MITF: variants seen among roughly 807,000 people sequenced by gnomAD.
MITF encodes the protein melanocyte inducing transcription factor.
A neutral mutation model predicts 60.5 loss-of-function variants in MITF; 17 were observed. The ratio of observed to expected loss-of-function variants is 0.28; its 90% confidence interval spans 0.19 to 0.42. The LOEUF (loss-of-function observed/expected upper bound fraction) is 0.42. Among genes scored for constraint, MITF ranks in the 10% least tolerant of loss-of-function variants. MITF has a pLI of 1.00. For synonymous variants in MITF, 260 were observed against 248.5 expected, an observed-to-expected ratio of 1.05 and a Z score of -0.43; for missense variants, 622 against 683.5, an observed-to-expected ratio of 0.91 and a Z score of 1.00.
intron 2 of MITF, among the ~76,000 whole-genome samples, chr3:69,930,842 T>C (rs928534496): frequency 1.3e-5 from 2 of 152,220 alleles, no homozygotes; most frequent in Non-Finnish European, 2.9e-5. Context: ...CACATTAACA[T>C]TTGCTCCCAG....
intron 1 of MITF, among the ~76,000 whole-genome samples, chr3:69,744,709 T>C (rs2106748592): frequency 6.6e-6 from 1 of 152,378 alleles, no homozygotes; most frequent in Middle Eastern, 3.4e-3. Context: ...GGTTGTCTTC[T>C]CTAAGGCAAG....
intron 2 of MITF, among the ~76,000 whole-genome samples, chr3:69,932,441 G>T (rs1375646320): frequency 6.6e-6 from 1 of 152,000 alleles, no homozygotes; most frequent in Non-Finnish European, 1.5e-5. Context: ...GACCATACAG[G>T]CAGCAGACCG....
At chr3:69,866,177 T>C (rs886849579) in intron 1 of MITF, 12 of 1,550,904 alleles carry the variant, frequency 7.7e-6, no homozygotes, top group Non-Finnish European at 1.0e-5. Flanking sequence ...TGTGTTTGGA[T>C]TGGAGTTTCC....
intron 1 of MITF, among the ~76,000 whole-genome samples, chr3:69,761,194 T>C (rs1241404647): frequency 1.3e-5 from 2 of 148,388 alleles, no homozygotes; most frequent in African/African-American, 5.3e-5. Flanking sequence ...AAATTCTTTC[T>C]GTGTTAGAAA....
intron 1 of MITF, among the ~76,000 whole-genome samples, chr3:69,832,471 G>A (rs1280694138): frequency 6.6e-6 from 1 of 152,208 alleles, no homozygotes; most frequent in Non-Finnish European, 1.5e-5. Flanking sequence ...TCCCTTTAAT[G>A]TGATGTTTTT....
At chr3:69,879,068 C>T (rs950687018) in intron 1 of MITF, 66 bp from the exon 2 acceptor site, 32 of 1,364,680 alleles carry the variant, frequency 2.3e-5, no homozygotes, top group Non-Finnish European at 2.8e-5. Flanking sequence ...TTAGGATACC[C>T]CCAAAGTGCA....
chr3:69,789,622 A>G (rs2062706983), intron 1 of MITF, among the ~76,000 whole-genome samples: 2 of 152,142 alleles, frequency 1.3e-5, no homozygotes. Flanking sequence ...TTGGGAGGCC[A>G]ACTCAGGTGG....
intron 2 of MITF, among the ~76,000 whole-genome samples, chr3:69,894,423 C>A (rs986001999): frequency 6.6e-6 from 1 of 152,184 alleles, no homozygotes; most frequent in African/African-American, 2.4e-5. Context: ...CAGTGGCTCA[C>A]GCCTGTAACC....
chr3:69,796,629 C>G (rs1250899151), intron 1 of MITF, among the ~76,000 whole-genome samples: 1 of 150,772 alleles, frequency 6.6e-6, no homozygotes, highest in Admixed American at 6.6e-5. Flanking sequence ...GCCTCAGCCT[C>G]CCAAGTAGCT....
intron 2 of MITF, among the ~76,000 whole-genome samples, chr3:69,906,685 G>T (rs2065107222): frequency 6.6e-6 from 1 of 152,140 alleles, no homozygotes; most frequent in Admixed American, 6.5e-5. Context: ...CACTTCGGAA[G>T]TGACTTCACA....
At chr3:69,832,514 T>C in intron 1 of MITF, among the ~76,000 whole-genome samples, 1 of 152,230 alleles carries the variant, frequency 6.6e-6, no homozygotes, top group South Asian at 2.1e-4. Context: ...GGCCTTTCCT[T>C]ACCATCCTAT....
chr3:69,963,100 T>C (rs1363472275), intron 9 of MITF, among the ~76,000 whole-genome samples: 1 of 152,144 alleles, frequency 6.6e-6, no homozygotes, highest in East Asian at 1.9e-4. Flanking sequence ...TTAAATTAAT[T>C]GCCTCTTTAA....
chr3:69,871,650 G>A (rs1209868427), intron 1 of MITF, among the ~76,000 whole-genome samples: 2 of 152,156 alleles, frequency 1.3e-5, no homozygotes, highest in Non-Finnish European at 2.9e-5. Context: ...CTTGGTTGAC[G>A]TGTGCTAGAC....
chr3:69,953,701 A>G lies in MITF; in HGVS notation c.955+1815A>G, dbSNP rs2066324848. On this transcript the variant is annotated intron_variant, in intron 7 of 9. Transcript: ENST00000352241. The stretch of plus-strand genomic sequence containing the variant: ...GAGAGAGAGAGAGACAGAGACAGAG[A>G]CAGAGACAGAGAAAGAAAGAGAGAG... Among the ~76,000 whole-genome samples, 4 of 150,644 alleles carry G rather than the reference A, an allele frequency of 2.7e-5. No homozygotes were observed. The South Asian group carries it at 8.4e-4, about 32-fold the overall frequency.
intron 1 of MITF, among the ~76,000 whole-genome samples, chr3:69,765,428 T>C (rs2062275098): frequency 6.6e-6 from 1 of 152,236 alleles, no homozygotes; most frequent in Non-Finnish European, 1.5e-5. Context: ...AGAAACTCTT[T>C]AGTGAAAATT....
intron 1 of MITF, among the ~76,000 whole-genome samples, chr3:69,833,021 T>C (rs1057159109): frequency 1.3e-5 from 2 of 152,256 alleles, no homozygotes; most frequent in African/African-American, 4.8e-5. Flanking sequence ...CTGTTCACAC[T>C]GTATGTGATT....
intron 1 of MITF, among the ~76,000 whole-genome samples, chr3:69,800,354 T>G (rs1336664052): frequency 6.6e-6 from 1 of 152,194 alleles, no homozygotes. Flanking sequence ...ATTTTTCAGC[T>G]GATGGACATT....
chr3:69,945,853 G>A (rs1468125537), intron 5 of MITF, among the ~76,000 whole-genome samples: 1 of 152,182 alleles, frequency 6.6e-6, no homozygotes, highest in Admixed American at 6.5e-5. Context: ...ATCAGCTCTA[G>A]TGTGGAATGC....
chr3:69,964,029 C>T (rs942306409), intron 9 of MITF, among the ~76,000 whole-genome samples: 3 of 128,268 alleles, frequency 2.3e-5, no homozygotes, highest in Middle Eastern at 5.3e-3. Flanking sequence ...CAGGCTGGAG[C>T]GCAATGGCGC....
Sources: gnomAD v4.1 joint callset for allele counts (sites outside exome capture counted in the v4.1 genomes callset) on GRCh38, gnomAD v4.1.1 for gene constraint, MANE v1.5 for transcripts, NCBI Gene and HGNC (gene_info 2026-07-23, HGNC 2026-07-21) for gene names.